Variants in SKIDA1 observed in about 807,000 individuals in gnomAD.
The protein encoded by SKIDA1 is SKI/DACH domain-containing protein 1.
SKIDA1 carries 18 observed loss-of-function variants against 51.4 expected under a neutral mutation model. The observed-to-expected ratio is 0.35, with a 90% CI of 0.24 to 0.52. The LOEUF is 0.52. Ranked by LOEUF, SKIDA1 falls within the 20% of genes least tolerant of loss-of-function variation. The probability of loss-of-function intolerance (pLI) is 0.95; values close to 1 mark genes in which losing one functional copy is unlikely to be tolerated. For missense variants in SKIDA1, 1,104 were observed against 1,180.6 expected, an observed-to-expected ratio of 0.94 and a Z score of 0.95; for synonymous variants, 579 against 500.5, an observed-to-expected ratio of 1.16 and a Z score of -2.09.
rs1369890177 is a variant in SKIDA1 at position 21,516,434 on chromosome 10, G to C, written c.1389C>G (p.Ser463Arg). The change falls in exon 4 of 4, where the codon AGC (serine) becomes AGG (arginine). Residue 463 changes from serine (S) to arginine (R), a missense_variant. Around this residue, in one of 3 missense-constraint regions of SKIDA1, gnomAD observed 938 missense variants for 886.4 expected, o/e 1.06. Coordinates refer to ENST00000449193, the MANE Select transcript of SKIDA1 (RefSeq NM_207371.4). This position sits in a 1 kb window ranked among gnomAD's most constrained non-coding sequence, Gnocchi z 5.7. ...AGAAGCTGGTGCGCCTGAATCGGAT[G>C]CTCTGCACTGACACTTGGCTGGAGC... ...SSGSSQVSVQ[S>R]IRFRRTSFCK... 1.4e-5 allele frequency: 23 copies of C among 1,613,122 alleles called. No homozygotes were observed. The highest frequency in any genetic ancestry group is 1.9e-5 in the Non-Finnish European group (23 of 1,179,884).
Position 21,515,440 on chromosome 10 carries a change from G to A in SKIDA1, c.2383C>T (p.Pro795Ser), listed in dbSNP as rs991996832. The A allele has an allele frequency of 1.2e-6, 2 of 1,613,916 alleles. No individual in the cohort carries two copies. Among genetic ancestry groups the A allele is most frequent in the Admixed American group, 3.3e-5 (2 of 60,006 alleles). The part of the protein sequence containing the change: ...VLGKRPVLQT[P>S]PVKPNLKSAR... ...GATTTCAAATTTGGTTTGACTGGAG[G>A]TGTCTGAAGGACAGGTCGCTTTCCC... The change falls in exon 4 of 4, where the codon CCT becomes TCT. Residue 795 changes from proline to serine, a missense_variant. By Grantham distance (74) the Pro-to-Ser change is moderately conservative. Around this residue, in one of 3 missense-constraint regions of SKIDA1, gnomAD observed 112 missense variants for 168.3 expected, o/e 0.67. Coordinates refer to ENST00000449193, the MANE Select transcript of SKIDA1 (RefSeq NM_207371.4).
At position 21,516,372 on chromosome 10, in the gene SKIDA1, A is replaced by G. The variant is rs775744349; in HGVS notation, c.1451T>C (p.Leu484Ser). Residue 484 changes from leucine to serine, a missense_variant, in exon 4 of 4, where the codon TTG (leucine) becomes TCG (serine). Transcript: ENST00000449193. The surrounding 1 kb of genome is among the most constrained non-coding windows in gnomAD (Gnocchi z 5.7). ...PPSVQAQANF[L>S]YHLASAAAAT... ...AGCGGCGGCGGAGGCCAGATGGTAC[A>G]AGAAGTTGGCCTGCGCCTGCACGCT... 146 of 1,613,196 alleles carry G rather than the reference A, an allele frequency of 9.1e-5. No individual in the cohort carries two copies. The highest frequency in any genetic ancestry group is 1.6e-4 in the Middle Eastern group (1 of 6,082).
chr10:21,516,272 C>T lies in SKIDA1; in HGVS notation c.1551G>A (p.Pro517=), dbSNP rs975611463. The T allele has an allele frequency of 6.2e-7, 1 of 1,613,820 alleles. No individual in the cohort carries two copies. The highest frequency in any genetic ancestry group is 8.5e-7 in the Non-Finnish European group (1 of 1,179,908). ...CCCAGCTCTGCAGATTCCACTCCGC[C>T]GGCGACTCCGCTTTGACACTACTCT... ...DLKSSVKAES[P]AEWNLQSWAP... The change falls in exon 4 of 4, where the codon CCG becomes CCA. Residue 517 remains proline (P), a synonymous_variant. Coordinates refer to ENST00000449193, the MANE Select transcript of SKIDA1 (RefSeq NM_207371.4). The surrounding 1 kb of genome is among the most constrained non-coding windows in gnomAD (Gnocchi z 5.7).
chr10:21,517,633 A>T lies in SKIDA1; in HGVS notation c.190T>A (p.Leu64Met), dbSNP rs757643295. The T allele has an allele frequency of 1.2e-6, 2 of 1,613,400 alleles. No individual in the cohort carries two copies. Among genetic ancestry groups the T allele is most frequent in the African/African-American group, 1.3e-5 (1 of 74,726 alleles). The stretch of plus-strand genomic sequence containing the variant: ...CTGTTAATTGCCTTGAGTTTCCGCA[A>T]CTCCTCCAGATCGCAGTGGTGCTTC... ...VKKHHCDLEE[L>M]RKLKAINSIA... The change falls in exon 4 of 4, where the codon TTG (leucine) becomes ATG (methionine). Residue 64 changes from leucine (L) to methionine (M), a missense_variant. Physicochemically the swap from Leu to Met is conservative, Grantham distance 15. Coordinates refer to ENST00000449193, the MANE Select transcript of SKIDA1 (RefSeq NM_207371.4). This position sits in a 1 kb window ranked among gnomAD's most constrained non-coding sequence, Gnocchi z 6.9.
rs1425693920 is a variant in SKIDA1, at chr10:21,518,787, A to C, written c.-965T>G. 1 of 166,500 alleles carries C rather than the reference A, an allele frequency of 6.0e-6. No individual in the cohort carries two copies. Among genetic ancestry groups the C allele is most frequent in the Admixed American group, 6.6e-5 (1 of 15,246 alleles). The allele number at this position is 166,500 out of a possible 1,614,324, so 10.3% of individuals were successfully genotyped here. On this transcript the variant is annotated 5_prime_UTR_variant, in exon 4 of 4. Coordinates refer to ENST00000449193, the MANE Select transcript of SKIDA1 (RefSeq NM_207371.4). ...GAAGGAGACCGGCTGGGAGCTCCAA[A>C]GTTAAACCCGCCCCGTGAACCACCC...
At position 21,516,200 on chromosome 10, in the gene SKIDA1, A is replaced by G; in HGVS notation, c.1623T>C (p.Cys541=). 3 of 1,614,012 alleles carry G rather than the reference A, an allele frequency of 1.9e-6. No homozygotes were observed. The highest frequency in any genetic ancestry group is 1.6e-4 in the Middle Eastern group (1 of 6,062). ...PVYCPASLGS[C]FAEIRNDRVS... is the part of the protein sequence containing the mutation. ...CCCTATCGTTCCTTATCTCAGCGAAACAACTCCCCAGGCTGGCCGGGCAGT... is the reference window on the plus strand; with the variant it reads ...CCCTATCGTTCCTTATCTCAGCGAAGCAACTCCCCAGGCTGGCCGGGCAGT... Residue 541 remains cysteine (C), a synonymous_variant, in exon 4 of 4, where the codon TGT becomes TGC. Transcript: ENST00000449193. The surrounding 1 kb of genome is among the most constrained non-coding windows in gnomAD (Gnocchi z 5.7).
chr10:21,522,314 C>A, intron 2 of SKIDA1, among the ~76,000 whole-genome samples: 1 of 119,664 alleles, frequency 8.4e-6, no homozygotes. Context: ...TCACCATATA[C>A]GTTTGTTTTA....
rs570473484 is a variant in SKIDA1, at chr10:21,518,771, C to G, written c.-949G>C. 6.0e-6 allele frequency: 1 copy of G among 166,744 alleles called. No homozygotes were observed. Among genetic ancestry groups the G allele is most frequent in the East Asian group, 1.9e-4 (1 of 5,166 alleles). The allele number at this position is 166,744 out of a possible 1,614,324, so 10.3% of individuals were successfully genotyped here. A position where few individuals can be genotyped will look rare whatever the true frequency, so the allele number is the denominator to read the frequency against. ...CCCTTACAGGAGTGGGGAAGGAGAC[C>G]GGCTGGGAGCTCCAAAGTTAAACCC... On this transcript the variant is annotated 5_prime_UTR_variant, in exon 4 of 4. Transcript: ENST00000449193.
chr10:21,525,121 T>C (rs1406420531), intron 1 of SKIDA1, among the ~76,000 whole-genome samples: 1 of 152,212 alleles, frequency 6.6e-6, no homozygotes, highest in Non-Finnish European at 1.5e-5. Flanking sequence ...GTCATTTAAA[T>C]AGACTTTCTT....
In SKIDA1 at chr10:21,517,076, C is replaced by T; in HGVS notation, c.747G>A (p.Ser249=). 1 of 1,004,792 alleles carries T rather than the reference C, an allele frequency of 1.0e-6. No individual in the cohort carries two copies. The highest frequency in any genetic ancestry group is 1.2e-6 in the Non-Finnish European group (1 of 846,438). The allele number at this position is 1,004,792 out of a possible 1,614,324, so 62.2% of individuals were successfully genotyped here. A position where few individuals can be genotyped will look rare whatever the true frequency, so the allele number is the denominator to read the frequency against. ...AAAAAAYYQV[S]AAGPQPKAAA... is the part of the protein sequence containing the mutation. Reference sequence around the variant, plus strand: ...CTGCCTTGGGCTGGGGCCCGGCCGCCGATACCTGGTAATAGGCGGCGGCGG... The same window carrying T: ...CTGCCTTGGGCTGGGGCCCGGCCGCTGATACCTGGTAATAGGCGGCGGCGG... Residue 249 remains serine (S), a synonymous_variant, in exon 4 of 4, where the codon TCG becomes TCA. Transcript: ENST00000449193. This position sits in a 1 kb window ranked among gnomAD's most constrained non-coding sequence, Gnocchi z 6.9.
intron 1 of SKIDA1, among the ~76,000 whole-genome samples, chr10:21,525,144 G>A (rs1353351854): frequency 6.6e-6 from 1 of 152,168 alleles, no homozygotes; most frequent in Non-Finnish European, 1.5e-5. Flanking sequence ...TGTTTGAAGG[G>A]GTTTCTGCGC....
Position 21,515,157 on chromosome 10 carries a change from T to C in SKIDA1, c.2666A>G (p.Gln889Arg). 6.2e-7 allele frequency: 1 copy of C among 1,613,916 alleles called. No individual in the cohort carries two copies. Among genetic ancestry groups the C allele is most frequent in the Non-Finnish European group, 8.5e-7 (1 of 1,179,842 alleles). Residue 889 changes from glutamine to arginine, a missense_variant, in exon 4 of 4, where the codon CAG becomes CGG. Gln to Arg is a conservative substitution (Grantham distance 43). Around this residue, in one of 3 missense-constraint regions of SKIDA1, gnomAD observed 112 missense variants for 168.3 expected, o/e 0.67. Transcript: ENST00000449193. The part of the protein sequence containing the change: ...PHKAHPIWKW[Q>R]LGGSAIPLPP... Reference sequence around the variant, plus strand: ...AAGAGGTATTGCAGAACCGCCCAGCTGCCATTTCCATATAGGATGGGCCTT... The same window carrying C: ...AAGAGGTATTGCAGAACCGCCCAGCCGCCATTTCCATATAGGATGGGCCTT...
chr10:21,519,952 A>G (rs1470205829), intron 3 of SKIDA1, among the ~76,000 whole-genome samples: 1 of 151,854 alleles, frequency 6.6e-6, no homozygotes, highest in Non-Finnish European at 1.5e-5. Context: ...TCTGTAACTC[A>G]GGAGGTTGGG....
Position 21,518,889 on chromosome 10 carries a change from C to T in SKIDA1, c.-1067G>A, listed in dbSNP as rs1264701190. 1 of 159,368 alleles carries T rather than the reference C, an allele frequency of 6.3e-6. No homozygotes were observed. Among genetic ancestry groups the T allele is most frequent in the Non-Finnish European group, 1.5e-5 (1 of 66,596 alleles). The allele number at this position is 159,368 out of a possible 1,614,324, so 9.9% of individuals were successfully genotyped here. On this transcript the variant is annotated 5_prime_UTR_variant, in exon 4 of 4. Transcript: ENST00000449193. ...TTTTTCCTGAAATGCCTTTTTACAA[C>T]CAGAAACAAAGTTATTTGACCAAGG...
At position 21,517,610 on chromosome 10, in the gene SKIDA1, G is replaced by A. The variant is rs2032283580; in HGVS notation, c.213C>T (p.Asn71=). Residue 71 remains asparagine, a synonymous_variant, in exon 4 of 4, where the codon AAC becomes AAT. Transcript: ENST00000449193. This position sits in a 1 kb window ranked among gnomAD's most constrained non-coding sequence, Gnocchi z 6.9. ...ATTTGGCGGCGTGGAAGGCGATGCT[G>A]TTAATTGCCTTGAGTTTCCGCAACT... ...LEELRKLKAI[N]SIAFHAAKCT... is the part of the protein sequence containing the mutation. The A allele has an allele frequency of 1.2e-6, 2 of 1,613,942 alleles. No individual in the cohort carries two copies. The highest frequency in any genetic ancestry group is 1.7e-6 in the Non-Finnish European group (2 of 1,179,832).
intron 3 of SKIDA1, among the ~76,000 whole-genome samples, chr10:21,520,397 A>C (rs2131274780): frequency 6.6e-6 from 1 of 152,106 alleles, no homozygotes; most frequent in Non-Finnish European, 1.5e-5. Flanking sequence ...GAGTCTTTCT[A>C]TTGCCAGCAA....
rs569351184 is a variant in SKIDA1, at chr10:21,514,412, A to G, written c.*684T>C. 6.6e-6 allele frequency: 1 copy of G among 151,866 alleles called. No individual in the cohort carries two copies. The highest frequency in any genetic ancestry group is 2.1e-4 in the South Asian group (1 of 4,796). The allele number at this position is 151,866 out of a possible 1,614,324, so 9.4% of individuals were successfully genotyped here. ...TCACACCCTTTACAAAAAAAATACA[A>G]TTCCGTATTTATTTTACTCAGTATG... On this transcript the variant is annotated 3_prime_UTR_variant, in exon 4 of 4. Coordinates refer to ENST00000449193, the MANE Select transcript of SKIDA1 (RefSeq NM_207371.4).
chr10:21,521,712 G>T (rs1462734273), intron 2 of SKIDA1, among the ~76,000 whole-genome samples: 2 of 151,280 alleles, frequency 1.3e-5, no homozygotes, highest in Non-Finnish European at 3.0e-5. Context: ...ACTCAGTGAG[G>T]AATGCCTAAT....
rs1423314652 is a variant in SKIDA1 at position 21,517,032 on chromosome 10, G to C, written c.791C>G (p.Pro264Arg). Residue 264 changes from proline to arginine, a missense_variant, in exon 4 of 4, where the codon CCG (proline) becomes CGG (arginine). Transcript: ENST00000449193. The surrounding 1 kb of genome is among the most constrained non-coding windows in gnomAD (Gnocchi z 6.9). ...QPKAAAGAGG[P>R]GSLSYRCKRK... ...CTTGCAGCGGTAGCTCAGGCTCCCC[G>C]GGCCTCCGGCGCCCGCCGCTGCCTT... 1.9e-6 allele frequency: 2 copies of C among 1,040,034 alleles called. No homozygotes were observed. The highest frequency in any genetic ancestry group is 8.9e-5 in the East Asian group (1 of 11,208). The allele number at this position is 1,040,034 out of a possible 1,614,324, so 64.4% of individuals were successfully genotyped here. A position where few individuals can be genotyped will look rare whatever the true frequency, so the allele number is the denominator to read the frequency against.
Sources: gnomAD v4.1 joint callset for allele counts (sites outside exome capture counted in the v4.1 genomes callset) on GRCh38, gnomAD v4.1.1 for gene constraint, gnomAD v4.1.1 regional missense constraint, Gnocchi (gnomAD v3.1) non-coding constraint, MANE v1.5 for transcripts, NCBI Gene and HGNC (gene_info 2026-07-23, HGNC 2026-07-21) for gene names.